The following PLSCR4 variants were observed in gnomAD, a reference collection of about 807,000 sequenced individuals.
PLSCR4 encodes the protein phospholipid scramblase 4.
A neutral mutation model predicts 36.3 loss-of-function variants in PLSCR4; 25 were observed. The ratio of observed to expected loss-of-function variants is 0.69; its 90% CI spans 0.50 to 0.96. The LOEUF (loss-of-function observed/expected upper bound fraction) is 0.96. Among genes scored for constraint, PLSCR4 ranks in the 40% least tolerant of loss-of-function variants. The pLI is 0.00. For synonymous variants in PLSCR4, 122 were observed against 132.9 expected (o/e 0.92, Z 0.56); for missense variants, 408 against 414.7 (o/e 0.98, Z 0.14).
Position 146,194,202 on chromosome 3 carries a change from C to G in PLSCR4, c.*209G>C. ...ATGAGTCACAGCTTTTCAGGATGAACTCCTATTCTACTAGAGAGATACTCA... is the reference window on the plus strand; with the variant it reads ...ATGAGTCACAGCTTTTCAGGATGAAGTCCTATTCTACTAGAGAGATACTCA... On this transcript the variant is annotated 3_prime_UTR_variant, in exon 9 of 9. Transcript: ENST00000354952. 1.9e-6 allele frequency: 1 copy of G among 518,410 alleles called. No homozygotes were observed. 32.1% of individuals were successfully genotyped at this position (518,410 alleles called of 1,614,324 possible).
chr3:146,212,826 C>G (rs1173649736), intron 3 of PLSCR4, among the ~76,000 whole-genome samples: 2 of 152,146 alleles, frequency 1.3e-5, no homozygotes, highest in Non-Finnish European at 1.5e-5. Context: ...AGTCTTTACT[C>G]CTAAACATAA....
chr3:146,194,335 T>C lies in PLSCR4; in HGVS notation c.*76A>G, dbSNP rs1272413751. ...GCAAAGAAATACACTTGCAAATAAC[T>C]GAGTGCTGACTGTAAGCCCAATCCA... is the stretch of plus-strand genomic sequence containing the variant. On this transcript the variant is annotated 3_prime_UTR_variant, in exon 9 of 9. Coordinates refer to ENST00000354952, the MANE Select transcript of PLSCR4 (RefSeq NM_020353.3). 2 of 933,160 alleles carry C rather than the reference T, an allele frequency of 2.1e-6. No individual in the cohort carries two copies. The highest frequency in any genetic ancestry group is 3.5e-6 in the Non-Finnish European group (2 of 568,796). 57.8% of individuals were successfully genotyped at this position (933,160 alleles called of 1,614,324 possible).
At chr3:146,195,042 G>A in intron 8 of PLSCR4, 82 bp downstream of exon 8, 1 of 1,253,138 alleles carries the variant, frequency 8.0e-7, no homozygotes, top group East Asian at 2.4e-5. Context: ...TGGTTTCAAG[G>A]CTTATTCTTT....
At chr3:146,221,024 T>A in intron 2 of PLSCR4, 99 bp from the exon 3 acceptor site, 1 of 650,852 alleles carries the variant, frequency 1.5e-6, no homozygotes, top group Non-Finnish European at 2.6e-6. Context: ...TCAAGAAATA[T>A]AATCAACTGG....
intron 1 of PLSCR4, among the ~76,000 whole-genome samples, chr3:146,234,317 G>A (rs990372641): frequency 4.6e-5 from 7 of 152,112 alleles, no homozygotes; most frequent in Non-Finnish European, 1.5e-5. Context: ...GGCTTGAGCA[G>A]GGGAATGAGC....
At position 146,237,793 on chromosome 3, in the gene PLSCR4, A is replaced by T. The variant is rs186223795; in HGVS notation, c.-22+13167T>A. Among the ~76,000 whole-genome samples, 450 of 152,056 alleles carry T rather than the reference A, an allele frequency of 3.0e-3. 1 individual carries two copies. The highest frequency in any genetic ancestry group is 4.8e-3 in the Admixed American group (73 of 15,288). On this transcript the variant is annotated intron_variant, in intron 1 of 8. Coordinates refer to ENST00000354952, the MANE Select transcript of PLSCR4 (RefSeq NM_020353.3). Reference sequence around the variant, plus strand: ...ATAAATAACATAATCTTTCTCTGTAAAATATGTCTTAAAGAGCAAATTAAA... The same window carrying T: ...ATAAATAACATAATCTTTCTCTGTATAATATGTCTTAAAGAGCAAATTAAA...
At chr3:146,250,125 T>C (rs1337286528) in intron 1 of PLSCR4, among the ~76,000 whole-genome samples, 2 of 152,216 alleles carry the variant, frequency 1.3e-5, no homozygotes, top group Non-Finnish European at 2.9e-5. Flanking sequence ...TCACAGAGTG[T>C]AATGATTAGC....
rs369367833 is a variant in PLSCR4 at position 146,216,558 on chromosome 3, C to T, written c.118+4257G>A. On this transcript the variant is annotated intron_variant, in intron 3 of 8. Coordinates refer to ENST00000354952, the MANE Select transcript of PLSCR4 (RefSeq NM_020353.3). ...TTACATCAACCATATATAGTAGATA[C>T]TATTATTATCCTTAATTTATAGAGA... 4.4e-4 allele frequency among the ~76,000 whole-genome samples: 67 copies of T among 152,232 alleles called. 5 individuals carry two copies. In the South Asian group the frequency reaches 8.9e-3, roughly 20 times the overall value.
intron 1 of PLSCR4, among the ~76,000 whole-genome samples, chr3:146,229,589 TTTCA>T (rs1156781610): frequency 4.2e-5 from 5 of 119,686 alleles, no homozygotes; most frequent in African/African-American, 1.6e-4. Flanking sequence ...TCATTTTATT[TTTCA>T]TTTATTTATT....
At chr3:146,232,694 T>C (rs1399280602) in intron 1 of PLSCR4, among the ~76,000 whole-genome samples, 2 of 152,188 alleles carry the variant, frequency 1.3e-5, no homozygotes, top group East Asian at 3.8e-4. Flanking sequence ...TGATTTTGTA[T>C]CCTGAAACTT....
chr3:146,233,712 G>A (rs1181184216), intron 1 of PLSCR4, among the ~76,000 whole-genome samples: 1 of 152,084 alleles, frequency 6.6e-6, no homozygotes, highest in East Asian at 1.9e-4. Flanking sequence ...CAGAGTTTAA[G>A]CAATCTGTTC....
chr3:146,199,562 T>C (rs1330087975), intron 6 of PLSCR4, among the ~76,000 whole-genome samples: 2 of 152,162 alleles, frequency 1.3e-5, no homozygotes, highest in Non-Finnish European at 2.9e-5. Context: ...GATGGAATCA[T>C]AATTATTGAC....
At chr3:146,208,957 G>A (rs1190490520) in intron 3 of PLSCR4, among the ~76,000 whole-genome samples, 2 of 152,106 alleles carry the variant, frequency 1.3e-5, no homozygotes, top group Non-Finnish European at 2.9e-5. Context: ...ACTTGCATAT[G>A]CATGTTTATA....
At position 146,200,029 on chromosome 3, in the gene PLSCR4, A is replaced by T; in HGVS notation, c.408T>A (p.Cys136Ter). Residue 136 changes from cysteine to a stop codon, truncating the protein, a stop_gained, in exon 6 of 9, where the codon TGT becomes TGA. Coordinates refer to ENST00000354952, the MANE Select transcript of PLSCR4 (RefSeq NM_020353.3). LOFTEE classifies it high-confidence loss of function. ...QHFEPLEMMT[C>*]FETNNRYDIK... is the part of the protein sequence containing the mutation. Reference sequence around the variant, plus strand: ...TATCATATCTATTATTAGTTTCAAAACATGTCATCACTAAAAAATAAAATG... The same window carrying T: ...TATCATATCTATTATTAGTTTCAAATCATGTCATCACTAAAAAATAAAATG... 6.5e-7 allele frequency: 1 copy of T among 1,548,986 alleles called. No homozygotes were observed.
chr3:146,246,878 C>T (rs1462604863), intron 1 of PLSCR4, among the ~76,000 whole-genome samples: 1 of 152,086 alleles, frequency 6.6e-6, no homozygotes, highest in Admixed American at 6.5e-5. Context: ...TACATTTACA[C>T]AATACATTTA....
chr3:146,218,488 A>T (rs1253382796), intron 3 of PLSCR4, among the ~76,000 whole-genome samples: 1 of 151,596 alleles, frequency 6.6e-6, no homozygotes, highest in African/African-American at 2.4e-5. Flanking sequence ...TATATTTTTT[A>T]AAATTAAATT....
At chr3:146,233,191 T>C (rs2035788251) in intron 1 of PLSCR4, among the ~76,000 whole-genome samples, 1 of 152,144 alleles carries the variant, frequency 6.6e-6, no homozygotes, top group East Asian at 1.9e-4. Context: ...GTTCTGCTAA[T>C]AATATAGATT....
intron 1 of PLSCR4, among the ~76,000 whole-genome samples, chr3:146,249,560 T>A (rs1053638153): frequency 6.6e-6 from 1 of 151,630 alleles, no homozygotes; most frequent in South Asian, 2.1e-4. Flanking sequence ...TTTTATTATA[T>A]GAAGAAGTCT....
intron 4 of PLSCR4, among the ~76,000 whole-genome samples, chr3:146,203,288 AAAC>A (rs1452129982): frequency 1.3e-5 from 2 of 152,046 alleles, no homozygotes; most frequent in African/African-American, 4.8e-5. Flanking sequence ...GCAGGCATTA[AAAC>A]AACATTAATC....
Sources: gnomAD v4.1 joint callset for allele counts (sites outside exome capture counted in the v4.1 genomes callset) on GRCh38, gnomAD v4.1.1 for gene constraint, MANE v1.5 for transcripts, NCBI Gene and HGNC (gene_info 2026-07-23, HGNC 2026-07-21) for gene names.